SORBS2: variants seen among roughly 807,000 people sequenced by gnomAD.
The protein encoded by SORBS2 is sorbin and SH3 domain containing 2.
A neutral mutation model predicts 97.7 loss-of-function variants in SORBS2; 46 were observed. That is an observed-to-expected ratio of 0.47 (90% CI 0.37 to 0.60). SORBS2 has a LOEUF of 0.60. Ranked by LOEUF, SORBS2 falls within the 20% of genes least tolerant of loss-of-function variation. The pLI is 0.00. For missense variants in SORBS2, 1,316 were observed against 1,282.3 expected (o/e 1.03, Z -0.40); for synonymous variants, 476 against 473.4 (o/e 1.01, Z -0.07).
intron 1 of SORBS2, among the ~76,000 whole-genome samples, chr4:185,901,285 C>A (rs993619906): frequency 6.6e-6 from 1 of 152,120 alleles, no homozygotes; most frequent in Admixed American, 6.5e-5. Context: ...CTCACCGAAA[C>A]CTCTACCTCC....
chr4:185,589,571 G>C (rs1433197911), intron 14 of SORBS2, 108 bp downstream of exon 26: 2 of 722,100 alleles, frequency 2.8e-6, no homozygotes, highest in Non-Finnish European at 5.1e-6. Flanking sequence ...AAGATCAAAG[G>C]CATTACGAAT....
intron 1 of SORBS2, among the ~76,000 whole-genome samples, chr4:185,917,523 T>C (rs2099258842): frequency 1.3e-5 from 2 of 152,200 alleles, no homozygotes; most frequent in Admixed American, 6.5e-5. Context: ...CCACCACTGC[T>C]GGCCCATAAT....
intron 1 of SORBS2, among the ~76,000 whole-genome samples, chr4:185,788,065 G>A (rs1212810815): frequency 6.6e-6 from 1 of 152,216 alleles, no homozygotes; most frequent in South Asian, 2.1e-4. Context: ...GGCTTTCCAC[G>A]GGGCCTGCCG....
chr4:185,618,548 C>A, intron 9 of SORBS2, 37 bp downstream of exon 21: 7 of 1,229,442 alleles, frequency 5.7e-6, no homozygotes, highest in Admixed American at 2.1e-5. Context: ...CATTTAAAAC[C>A]ACCTTAAATC....
chr4:185,947,119 C>A (rs7437509), intron 1 of SORBS2, among the ~76,000 whole-genome samples: 18,628 of 152,244 alleles, frequency 0.12, 1,488 homozygotes, highest in Middle Eastern at 0.24. Context: ...TAGCTTTCCC[C>A]CTTTCAGTTT....
chr4:185,792,048 G>A (rs1367480789), intron 1 of SORBS2, among the ~76,000 whole-genome samples: 1 of 152,180 alleles, frequency 6.6e-6, no homozygotes, highest in Non-Finnish European at 1.5e-5. Context: ...TTGACAAAAT[G>A]TTTATATTCA....
At chr4:185,630,567 C>A (rs775017428) in exon 5 of SORBS2, 1 of 1,598,230 alleles carries the variant, frequency 6.3e-7, no homozygotes. Flanking sequence ...TCTTTCCAGG[C>A]TTCTGTCTAT....
chr4:185,619,797 G>A (rs529439929), intron 8 of SORBS2, among the ~76,000 whole-genome samples: 8 of 152,176 alleles, frequency 5.3e-5, no homozygotes, highest in Non-Finnish European at 1.2e-4. Flanking sequence ...TAATGGTTAA[G>A]TTCATGGGCA....
rs149916001 is a variant in SORBS2 at position 185,672,441 on chromosome 4, G to T, written c.-46+5982C>A. Among the ~76,000 whole-genome samples the T allele has an allele frequency of 3.8e-3, 573 of 152,324 alleles. 2 individuals are homozygous for T. Among genetic ancestry groups the T allele is most frequent in the African/African-American group, 0.013 (540 of 41,572 alleles). On this transcript the variant is annotated intron_variant, in intron 4 of 20. Transcript: ENST00000284776. ...TAGCTTTTTGCTGGCTTTCCAAAGT[G>T]TCTGGCTTATACCTTCACTTACTTG... is the stretch of plus-strand genomic sequence containing the variant.
At chr4:185,829,979 C>T (rs13111004) in intron 1 of SORBS2, among the ~76,000 whole-genome samples, 30,219 of 152,006 alleles carry the variant, frequency 0.2, 3,123 homozygotes, top group South Asian at 0.32. Context: ...CCTAACACTC[C>T]TGCATTCTCT....
chr4:185,620,929 T>C (rs771012669), intron 7 of SORBS2, among the ~76,000 whole-genome samples: 2 of 152,206 alleles, frequency 1.3e-5, no homozygotes, highest in Non-Finnish European at 2.9e-5. Context: ...AAAGCATAAA[T>C]AATCACATTA....
chr4:185,853,166 T>C (rs1274124004), intron 1 of SORBS2, among the ~76,000 whole-genome samples: 1 of 152,080 alleles, frequency 6.6e-6, no homozygotes, highest in Non-Finnish European at 1.5e-5. Flanking sequence ...GGGAAGGAAA[T>C]GATAATATAT....
intron 2 of SORBS2, among the ~76,000 whole-genome samples, chr4:185,741,827 T>G (rs1216678369): frequency 6.6e-6 from 1 of 152,156 alleles, no homozygotes; most frequent in African/African-American, 2.4e-5. Context: ...ACTGGGCTGG[T>G]TTTTGGGAGC....
At chr4:185,939,571 C>T (rs925366189) in intron 1 of SORBS2, among the ~76,000 whole-genome samples, 14 of 152,026 alleles carry the variant, frequency 9.2e-5, no homozygotes, top group East Asian at 5.8e-4. Flanking sequence ...AGTGCGATGG[C>T]GCGACCTCGG....
intron 1 of SORBS2, among the ~76,000 whole-genome samples, chr4:185,652,947 T>G (rs942018759): frequency 6.6e-6 from 1 of 152,248 alleles, no homozygotes; most frequent in Non-Finnish European, 1.5e-5. Context: ...TAGGCTGAGT[T>G]GGAACATTAG....
chr4:185,811,778 C>T (rs1585223197), intron 1 of SORBS2: 1 of 152,438 alleles, frequency 6.6e-6, no homozygotes, highest in Non-Finnish European at 1.5e-5. Flanking sequence ...AACCCGAGAG[C>T]GTCCGCCTGC....
chr4:185,904,643 G>C (rs2149842617), intron 1 of SORBS2, among the ~76,000 whole-genome samples: 1 of 152,308 alleles, frequency 6.6e-6, no homozygotes, highest in East Asian at 1.9e-4. Context: ...AACATCAAGG[G>C]TTATGTGAGG....
intron 4 of SORBS2, among the ~76,000 whole-genome samples, chr4:185,669,397 A>C (rs1215715659): frequency 6.6e-6 from 1 of 152,218 alleles, no homozygotes; most frequent in Non-Finnish European, 1.5e-5. Context: ...AGACCACCAT[A>C]GTCATGGGTA....
At chr4:185,800,380 G>A (rs2099124450) in intron 1 of SORBS2, among the ~76,000 whole-genome samples, 1 of 152,192 alleles carries the variant, frequency 6.6e-6, no homozygotes, top group South Asian at 2.1e-4. Context: ...TGAAGGAGGA[G>A]AGTGTGAGTC....
Sources: gnomAD v4.1 joint callset for allele counts (sites outside exome capture counted in the v4.1 genomes callset) on GRCh38, gnomAD v4.1.1 for gene constraint, MANE v1.5 for transcripts, NCBI Gene and HGNC (gene_info 2026-07-23, HGNC 2026-07-21) for gene names.